The following GLRA2 variants were observed in gnomAD, a reference collection of about 807,000 sequenced individuals.
GLRA2 encodes the protein glycine receptor subunit alpha-2.
GLRA2 carries 11 observed loss-of-function variants against 31.6 expected under a neutral mutation model. The observed-to-expected ratio is 0.35, with a 90% CI of 0.22 to 0.58. GLRA2 has a LOEUF of 0.58. Ranked by LOEUF, GLRA2 falls within the 20% of genes least tolerant of loss-of-function variation. The pLI is 0.84. For synonymous variants in GLRA2, 132 were observed against 134.0 expected (o/e 0.99, Z 0.10); for missense variants, 212 against 351.8 (o/e 0.60, Z 3.18).
intron 2 of GLRA2, among the ~76,000 whole-genome samples, chrX:14,552,494 C>G (rs953644062): frequency 3.6e-5 from 4 of 112,586 alleles, no homozygotes; most frequent in Admixed American, 1.9e-4. Flanking sequence ...TTAGAGCTGG[C>G]AAGCTGTGAG....
chrX:14,482,606 G>T, the GLRA2 span, among the ~76,000 whole-genome samples: 4 of 111,180 alleles, frequency 3.6e-5, no homozygotes, highest in Non-Finnish European at 3.8e-5. Context: ...GAGTTCATTG[G>T]TATATGAATA....
the GLRA2 span, among the ~76,000 whole-genome samples, chrX:14,465,106 T>G: frequency 9.1e-6 from 1 of 110,005 alleles, no homozygotes; most frequent in Non-Finnish European, 1.9e-5. Context: ...TATGGTCATT[T>G]TAACAATATT....
At chrX:14,651,895 C>A (rs1040446485) in intron 7 of GLRA2, among the ~76,000 whole-genome samples, 3 of 111,371 alleles carry the variant, frequency 2.7e-5, no homozygotes, top group Non-Finnish European at 5.7e-5. Flanking sequence ...AGATGGGGCC[C>A]TTTGGGAGGT....
chrX:14,667,745 T>C, intron 7 of GLRA2, among the ~76,000 whole-genome samples: 1 of 111,511 alleles, frequency 9.0e-6, no homozygotes, highest in Non-Finnish European at 1.9e-5. Flanking sequence ...AAATTCTGGA[T>C]TCATGAGGCC....
chrX:14,487,710 C>T, the GLRA2 span, among the ~76,000 whole-genome samples: 1 of 111,714 alleles, frequency 9.0e-6, no homozygotes, highest in African/African-American at 3.3e-5. Context: ...TACATGTCCT[C>T]CAAGGTAGGA....
chrX:14,612,975 A>C (rs1464498740), intron 7 of GLRA2, among the ~76,000 whole-genome samples: 1 of 110,928 alleles, frequency 9.0e-6, no homozygotes, highest in Non-Finnish European at 1.9e-5. Flanking sequence ...AAAGTATAAT[A>C]ATAATAAAAA....
At chrX:14,582,539 A>AT (rs2090033608) in intron 4 of GLRA2, among the ~76,000 whole-genome samples, 1 of 110,190 alleles carries the variant, frequency 9.1e-6, no homozygotes, top group Non-Finnish European at 1.9e-5. Context: ...TAAGGCTCTT[A>AT]TTTTTTCCTG....
At chrX:14,498,149 C>T in the GLRA2 span, among the ~76,000 whole-genome samples, 1 of 107,684 alleles carries the variant, frequency 9.3e-6, no homozygotes, top group Non-Finnish European at 1.9e-5. Context: ...AAAAAAAAAC[C>T]AACAGGCTCA....
upstream of GLRA2, among the ~76,000 whole-genome samples, chrX:14,528,204 G>A (rs1276382285): frequency 9.0e-6 from 1 of 111,246 alleles, no homozygotes; most frequent in Non-Finnish European, 1.9e-5. Flanking sequence ...CAGACCTACT[G>A]GATCATAATC....
chrX:14,572,577 A>C, intron 2 of GLRA2, among the ~76,000 whole-genome samples: 1 of 112,496 alleles, frequency 8.9e-6, no homozygotes, highest in East Asian at 2.8e-4. Context: ...GTAATCAAAA[A>C]AGAAAAACAA....
chrX:14,519,109 G>A, the GLRA2 span, among the ~76,000 whole-genome samples: 2 of 107,916 alleles, frequency 1.9e-5, no homozygotes, highest in South Asian at 7.9e-4. Flanking sequence ...TGTTATCTGT[G>A]GCTACAAGGC....
At chrX:14,495,259 A>G in the GLRA2 span, among the ~76,000 whole-genome samples, 1 of 111,270 alleles carries the variant, frequency 9.0e-6, no homozygotes, top group East Asian at 2.8e-4. Context: ...TTAGGTGAAA[A>G]CCACTTAAAA....
chrX:14,565,466 A>G (rs1182222055), intron 2 of GLRA2, among the ~76,000 whole-genome samples: 1 of 110,328 alleles, frequency 9.1e-6, no homozygotes, highest in Non-Finnish European at 1.9e-5. Context: ...TACTGTAGAA[A>G]TGTTTATTTC....
At chrX:14,502,602 C>T in the GLRA2 span, among the ~76,000 whole-genome samples, 1 of 110,914 alleles carries the variant, frequency 9.0e-6, no homozygotes, top group Non-Finnish European at 1.9e-5. Context: ...GATTAGGTTC[C>T]TATAAGCCTC....
chrX:14,542,924 GC>G (rs1346106116), intron 2 of GLRA2, among the ~76,000 whole-genome samples: 4 of 109,917 alleles, frequency 3.6e-5, no homozygotes, highest in Non-Finnish European at 7.6e-5. Flanking sequence ...CTACAAGAGG[GC>G]CCATTCAGTC....
chrX:14,616,296 G>A (rs1214204799), intron 7 of GLRA2, among the ~76,000 whole-genome samples: 1 of 112,028 alleles, frequency 8.9e-6, no homozygotes. Context: ...GACTATAGAA[G>A]TGAAAGCAAA....
intron 4 of GLRA2, among the ~76,000 whole-genome samples, chrX:14,596,688 G>A (rs755283780): frequency 1.8e-5 from 2 of 111,270 alleles, no homozygotes; most frequent in African/African-American, 6.5e-5. Context: ...GAGTGCTACT[G>A]TTACTGAAAA....
intron 7 of GLRA2, among the ~76,000 whole-genome samples, chrX:14,652,401 C>T (rs778960027): frequency 1.7e-4 from 19 of 111,312 alleles, no homozygotes; most frequent in African/African-American, 6.2e-4. Context: ...ATAGGCGTAT[C>T]TCATTTTACT....
At chrX:14,556,877 C>G (rs1300932343) in intron 2 of GLRA2, among the ~76,000 whole-genome samples, 1 of 110,326 alleles carries the variant, frequency 9.1e-6, no homozygotes, top group Non-Finnish European at 1.9e-5. Flanking sequence ...TTTAGCACCA[C>G]AATTTACCAT....
Sources: allele counts gnomAD v4.1 joint callset (sites outside exome capture counted in the v4.1 genomes callset), GRCh38; gene constraint gnomAD v4.1.1; transcripts MANE v1.5; gene names NCBI Gene and HGNC (gene_info 2026-07-23, HGNC 2026-07-21).